EDARADD: variants seen among roughly 807,000 people sequenced by gnomAD.
The protein encoded by EDARADD is ectodysplasin-A receptor-associated adapter protein.
A neutral mutation model predicts 25.6 loss-of-function variants in EDARADD; 20 were observed. The ratio of observed to expected loss-of-function variants is 0.78; its 90% CI spans 0.55 to 1.14. EDARADD has a LOEUF of 1.14. Ranked by LOEUF, EDARADD falls within the 50% of genes most tolerant of loss-of-function variation. The pLI is 0.00. For synonymous variants in EDARADD, 86 were observed against 94.4 expected (o/e 0.91, Z 0.52); for missense variants, 225 against 270.1 (o/e 0.83, Z 1.17).
intron 3 of EDARADD, among the ~76,000 whole-genome samples, chr1:236,380,451 CTG>C (rs149463320): frequency 0.064 from 9,705 of 152,184 alleles, 441 homozygotes; most frequent in Non-Finnish European, 0.097. Flanking sequence ...GAACAGATTA[CTG>C]TGTGAAACAT....
chr1:236,473,102 G>C (rs1659400806), intron 5 of EDARADD, among the ~76,000 whole-genome samples: 2 of 152,184 alleles, frequency 1.3e-5, no homozygotes, highest in South Asian at 4.1e-4. Flanking sequence ...TGTGCCTGGT[G>C]TGCAGCAGTG....
At chr1:236,468,305 G>C (rs1181800426) in intron 5 of EDARADD, 29 bp downstream of exon 5, 13 of 1,604,940 alleles carry the variant, frequency 8.1e-6, no homozygotes, top group African/African-American at 1.3e-5. Flanking sequence ...AGCTATCTGG[G>C]CTAATAGCTA....
chr1:236,437,163 CCT>C (rs1324130010), intron 4 of EDARADD, among the ~76,000 whole-genome samples: 1 of 152,182 alleles, frequency 6.6e-6, no homozygotes, highest in Non-Finnish European at 1.5e-5. Flanking sequence ...AGAAAATCCC[CCT>C]CTTAGAGAAG....
At chr1:236,391,141 T>C (rs995078617), upstream of EDARADD, among the ~76,000 whole-genome samples, 11 of 151,950 alleles carry the variant, frequency 7.2e-5, no homozygotes, top group East Asian at 1.9e-4. Flanking sequence ...CCGGTCCCCC[T>C]GTCCCTGTAA....
chr1:236,483,596 C>T lies in EDARADD; in HGVS notation c.*947C>T. On this transcript the variant is annotated 3_prime_UTR_variant, in exon 6 of 6. Coordinates refer to ENST00000334232, the MANE Select transcript of EDARADD (RefSeq NM_145861.4). Reference sequence around the variant, plus strand: ...ACTTGTCTGGCAACTCCAAAGTCATCTTGCCAGTCCCGGTGTTCAATGTCA... The same window carrying T: ...ACTTGTCTGGCAACTCCAAAGTCATTTTGCCAGTCCCGGTGTTCAATGTCA... The T allele has an allele frequency of 6.7e-7, 1 of 1,490,020 alleles. No individual in the cohort carries two copies. Among genetic ancestry groups the T allele is most frequent in the Non-Finnish European group, 9.4e-7 (1 of 1,069,044 alleles). 92.3% of individuals were successfully genotyped at this position (1,490,020 alleles called of 1,614,324 possible).
intron 3 of EDARADD, among the ~76,000 whole-genome samples, chr1:236,351,310 G>T (rs1169799565): frequency 6.6e-6 from 1 of 152,066 alleles, no homozygotes; most frequent in African/African-American, 2.4e-5. Context: ...TTAAAGCAGA[G>T]GGGGCTTCCT....
upstream of EDARADD, among the ~76,000 whole-genome samples, chr1:236,389,324 A>G (rs1434046272): frequency 6.6e-6 from 1 of 152,142 alleles, no homozygotes; most frequent in African/African-American, 2.4e-5. Flanking sequence ...ACCACTCCCC[A>G]CCCAGGGCAT....
chr1:236,472,456 C>G (rs866080159), intron 5 of EDARADD, among the ~76,000 whole-genome samples: 6 of 152,144 alleles, frequency 3.9e-5, no homozygotes, highest in African/African-American at 1.2e-4. Flanking sequence ...GTAAATTTCC[C>G]TGGGGGTTTG....
At position 236,483,547 on chromosome 1, in the gene EDARADD, T is replaced by C; in HGVS notation, c.*898T>C. The stretch of plus-strand genomic sequence containing the variant: ...AAAGCTAGTGCTGTTGAGAAGGGGG[T>C]TCCCCTGTACCACCACATCGCCGAC... On this transcript the variant is annotated 3_prime_UTR_variant, in exon 6 of 6. Transcript: ENST00000334232. 8.6e-7 allele frequency: 1 copy of C among 1,167,666 alleles called. No homozygotes were observed. Among genetic ancestry groups the C allele is most frequent in the Non-Finnish European group, 1.3e-6 (1 of 775,716 alleles). 72.3% of individuals were successfully genotyped at this position (1,167,666 alleles called of 1,614,324 possible).
intron 4 of EDARADD, among the ~76,000 whole-genome samples, chr1:236,438,836 G>A (rs1233737865): frequency 1.3e-5 from 2 of 151,928 alleles, no homozygotes; most frequent in Non-Finnish European, 2.9e-5. Context: ...ATGAACCTAC[G>A]CTGACACACC....
chr1:236,463,662 C>T (rs1190838895), intron 4 of EDARADD, among the ~76,000 whole-genome samples: 2 of 152,170 alleles, frequency 1.3e-5, no homozygotes, highest in African/African-American at 4.8e-5. Context: ...ACCGTCACCA[C>T]CATTCACCTC....
chr1:236,476,064 C>T (rs1005891582), intron 5 of EDARADD, among the ~76,000 whole-genome samples: 4 of 152,008 alleles, frequency 2.6e-5, no homozygotes, highest in Admixed American at 6.6e-5. Context: ...TGTTGGCTGG[C>T]GCCTGTAATC....
intron 3 of EDARADD, among the ~76,000 whole-genome samples, chr1:236,366,882 G>A (rs1667117235): frequency 2.6e-5 from 4 of 151,906 alleles, no homozygotes; most frequent in Admixed American, 2.6e-4. Context: ...TCCGAGACCA[G>A]CCTGGCCAAC....
At chr1:236,480,133 A>ATATATATATATC (rs1553271650) in intron 5 of EDARADD, among the ~76,000 whole-genome samples, 1 of 142,090 alleles carries the variant, frequency 7.0e-6, no homozygotes, top group African/African-American at 2.7e-5. Flanking sequence ...ATATATATAT[A>ATATATATATATC]TATCACATTT....
At chr1:236,419,500 A>G (rs1000309525) in intron 3 of EDARADD, among the ~76,000 whole-genome samples, 4 of 152,202 alleles carry the variant, frequency 2.6e-5, no homozygotes, top group African/African-American at 9.6e-5. Flanking sequence ...TGTGGGGATG[A>G]CTGTGATTGA....
At chr1:236,434,235 AT>A (rs1045989213) in intron 4 of EDARADD, among the ~76,000 whole-genome samples, 1 of 150,648 alleles carries the variant, frequency 6.6e-6, no homozygotes, top group Non-Finnish European at 1.5e-5. Flanking sequence ...AACATTATGA[AT>A]TTTTTTGCTT....
intron 3 of EDARADD, among the ~76,000 whole-genome samples, chr1:236,385,548 AC>A (rs1427583618): frequency 6.6e-6 from 1 of 151,420 alleles, no homozygotes; most frequent in Non-Finnish European, 1.5e-5. Context: ...ACATGCTGAA[AC>A]CCCGTCTCTA....
intron 3 of EDARADD, among the ~76,000 whole-genome samples, chr1:236,366,130 T>A (rs1667110651): frequency 6.6e-6 from 1 of 152,238 alleles, no homozygotes; most frequent in African/African-American, 2.4e-5. Context: ...GGGTCATATT[T>A]TTCTGCCTCT....
At chr1:236,455,073 G>A (rs977329250) in intron 4 of EDARADD, among the ~76,000 whole-genome samples, 7 of 152,174 alleles carry the variant, frequency 4.6e-5, no homozygotes, top group Admixed American at 2.0e-4. Context: ...AGCTGGGCGT[G>A]GTGGCGGGCG....
Sources: allele counts gnomAD v4.1 joint callset (sites outside exome capture counted in the v4.1 genomes callset), GRCh38; gene constraint gnomAD v4.1.1; transcripts MANE v1.5; gene names NCBI Gene and HGNC (gene_info 2026-07-23, HGNC 2026-07-21).